The following CTNS variants were observed in gnomAD, a reference collection of about 807,000 sequenced individuals.
The protein encoded by CTNS is cystinosin, lysosomal cystine transporter.
CTNS carries 27 observed loss-of-function variants against 43.7 expected under a neutral mutation model. That is an observed-to-expected ratio of 0.62 (90% CI 0.46 to 0.85). The LOEUF is 0.85. Among genes scored for constraint, CTNS ranks in the 40% least tolerant of loss-of-function variants. The pLI, the probability that CTNS is intolerant of heterozygous loss-of-function variation, is 0.00. For synonymous variants in CTNS, 187 were observed against 190.6 expected (o/e 0.98, Z 0.16); for missense variants, 457 against 475.4 (o/e 0.96, Z 0.36).
chr17:3,655,693 C>T, intron 7 of CTNS: 1 of 371,274 alleles, frequency 2.7e-6, no homozygotes, highest in South Asian at 2.3e-5. Flanking sequence ...GGCGTCAAGT[C>T]CTGTAGTCTC....
chr17:3,653,845 C>T (rs1186309836), intron 5 of CTNS, among the ~76,000 whole-genome samples: 3 of 149,832 alleles, frequency 2.0e-5, no homozygotes, highest in East Asian at 2.0e-4. Flanking sequence ...CATTGCACTC[C>T]AGCCTGGGCA....
chr17:3,638,773 G>A (rs115756725), intron 2 of CTNS, among the ~76,000 whole-genome samples: 2 of 152,188 alleles, frequency 1.3e-5, no homozygotes, highest in African/African-American at 4.8e-5. Context: ...CAGGTGTGAG[G>A]AGCGGAGGGC....
chr17:3,647,499 G>T lies in CTNS; in HGVS notation c.117G>T (p.Ser39=). ...PPVVKLENGS[S]TNVSLTLRPP... ...TCGTAAAGCTGGAGAACGGCAGCTC[G>T]ACCAACGTCAGCCTCACCCTGCGGT... Residue 39 remains serine, a synonymous_variant, in exon 4 of 12, where the codon TCG becomes TCT. Transcript: ENST00000046640. The T allele has an allele frequency of 6.2e-7, 1 of 1,614,092 alleles. No individual in the cohort carries two copies.
chr17:3,654,819 C>G (rs2076085402), intron 5 of CTNS, among the ~76,000 whole-genome samples, 179 bp from the exon 6 acceptor site: 1 of 152,084 alleles, frequency 6.6e-6, no homozygotes, highest in African/African-American at 2.4e-5. Context: ...GCATGGCGAA[C>G]AGGAGGTTCA....
intron 3 of CTNS, among the ~76,000 whole-genome samples, chr17:3,644,993 G>A (rs1437893099): frequency 6.6e-6 from 1 of 152,190 alleles, no homozygotes; most frequent in Non-Finnish European, 1.5e-5. Flanking sequence ...AGAGCCCTAG[G>A]GATCCAGAGT....
intron 5 of CTNS, among the ~76,000 whole-genome samples, chr17:3,653,705 G>A (rs555438434): frequency 8.5e-5 from 13 of 152,146 alleles, no homozygotes; most frequent in Admixed American, 1.3e-4. Context: ...GTGAAACCCC[G>A]TCTCTACTAA....
chr17:3,648,975 A>G, intron 5 of CTNS, 44 bp downstream of exon 5: 1 of 1,468,368 alleles, frequency 6.8e-7, no homozygotes, highest in Non-Finnish European at 9.5e-7. Context: ...ATGCTAGGTA[A>G]CAGAACACAT....
At chr17:3,660,137 G>A (rs1337767004) in intron 11 of CTNS, 99 bp from the exon 12 acceptor site, 23 of 1,561,074 alleles carry the variant, frequency 1.5e-5, no homozygotes, top group Non-Finnish European at 2.0e-5. Flanking sequence ...TGGAGGCTTT[G>A]TGGTTTTCTG....
intron 9 of CTNS, 163 bp downstream of exon 9, chr17:3,656,958 G>C: frequency 8.7e-7 from 1 of 1,146,108 alleles, no homozygotes. Flanking sequence ...CAGGCCCTCA[G>C]AGCCCCCCAA....
chr17:3,653,611 C>G lies in CTNS; in HGVS notation c.226-1387C>G, dbSNP rs111400067. On this transcript the variant is annotated intron_variant, in intron 5 of 11. Coordinates refer to ENST00000046640, the MANE Select transcript of CTNS (RefSeq NM_004937.3). ...TCAGGAAGCACTGGGTGCGGTGGCT[C>G]ACACCTGTAATCCCAGCACTTTGGG... 7.2e-5 allele frequency among the ~76,000 whole-genome samples: 11 copies of G among 152,180 alleles called. 1 individual carries two copies. Among genetic ancestry groups the G allele is most frequent in the African/African-American group, 2.6e-4 (11 of 41,516 alleles).
At position 3,657,995 on chromosome 17, in the gene CTNS, T is replaced by A. The variant is rs2076194423; in HGVS notation, c.682-10T>A. On this transcript the variant is annotated splice_polypyrimidine_tract_variant and intron_variant, in intron 9 of 11. Transcript: ENST00000046640. ...GTGGGTCCACATCTCTGCCCTCCTCTCGCCCCCAGCGCGGTGGCCAGCGCG... is the reference window on the plus strand; with the variant it reads ...GTGGGTCCACATCTCTGCCCTCCTCACGCCCCCAGCGCGGTGGCCAGCGCG... 1 of 1,607,022 alleles carries A rather than the reference T, an allele frequency of 6.2e-7. No individual in the cohort carries two copies. The highest frequency in any genetic ancestry group is 1.1e-5 in the South Asian group (1 of 90,996).
At position 3,658,096 on chromosome 17, in the gene CTNS, G is replaced by C. The variant is rs1322473938; in HGVS notation, c.773G>C (p.Gly258Ala). 1 of 1,612,508 alleles carries C rather than the reference G, an allele frequency of 6.2e-7. No individual in the cohort carries two copies. Among genetic ancestry groups the C allele is most frequent in the Non-Finnish European group, 8.5e-7 (1 of 1,179,968 alleles). ...GTCACCATGATCGTGGCTGCAGTGG[G>C]AGTGACCACGTGGCTGCAGTTTCTC... ...AFVTMIVAAV[G>A]VTTWLQFLFC... The change falls in exon 10 of 12, where the codon GGA becomes GCA. Residue 258 changes from glycine to alanine, a missense_variant. By Grantham distance (60) the Gly-to-Ala change is moderately conservative. Transcript: ENST00000046640.
In CTNS at chr17:3,637,289, A is replaced by C. The variant is rs886052865; in HGVS notation, c.-47A>C. 4 of 152,000 alleles carry C rather than the reference A, an allele frequency of 2.6e-5. No homozygotes were observed. Among genetic ancestry groups the C allele is most frequent in the Non-Finnish European group, 5.9e-5 (4 of 67,992 alleles). 9.4% of individuals were successfully genotyped at this position (152,000 alleles called of 1,614,324 possible). On this transcript the variant is annotated 5_prime_UTR_variant, in exon 2 of 12. Transcript: ENST00000046640. ...ATTGAGGATTACTGTGTTTTGTGAG[A>C]GCTCGCTAGGCGCCCTAAGCAACAG...
chr17:3,641,009 T>A (rs2075675000), intron 3 of CTNS, among the ~76,000 whole-genome samples: 1 of 152,160 alleles, frequency 6.6e-6, no homozygotes, highest in Admixed American at 6.5e-5. Flanking sequence ...GTAGCCACCC[T>A]GTTGTACCCG....
intron 10 of CTNS, 104 bp from the exon 11 acceptor site, chr17:3,659,754 G>T: frequency 1.2e-6 from 1 of 818,708 alleles, no homozygotes; most frequent in Non-Finnish European, 2.1e-6. Flanking sequence ...GCCCCAGTGG[G>T]AGGAATGAGA....
At chr17:3,650,352 T>A (rs567331040) in intron 5 of CTNS, 3 of 1,545,734 alleles carry the variant, frequency 1.9e-6, no homozygotes, top group Non-Finnish European at 2.6e-6. Context: ...TGCAGAGATG[T>A]GCACCTGTAA....
At chr17:3,644,525 C>T (rs974795196) in intron 3 of CTNS, among the ~76,000 whole-genome samples, 5 of 152,198 alleles carry the variant, frequency 3.3e-5, no homozygotes, top group Non-Finnish European at 5.9e-5. Flanking sequence ...AGAGCAGTGG[C>T]GCAATCTCAG....
At chr17:3,636,541 T>C (rs111977802), upstream of CTNS, 20,698 of 320,972 alleles carry the variant, frequency 0.064, 770 homozygotes, top group Middle Eastern at 0.11. Flanking sequence ...GCTCCAAGAG[T>C]CTCTGTGTCC....
In CTNS at chr17:3,662,578, G is replaced by A. The variant is rs927080366; in HGVS notation, c.*2209G>A. Among the ~76,000 whole-genome samples the A allele has an allele frequency of 2.6e-5, 4 of 152,170 alleles. No homozygotes were observed. The highest frequency in any genetic ancestry group is 9.7e-5 in the African/African-American group (4 of 41,448). Reference sequence around the variant, plus strand: ...GGTGTCCCTACGGCCCCTCCCAGGTGGGAGCTGAGGCTAGGTTGCAAAAAG... The same window carrying A: ...GGTGTCCCTACGGCCCCTCCCAGGTAGGAGCTGAGGCTAGGTTGCAAAAAG... On this transcript the variant is annotated 3_prime_UTR_variant, in exon 12 of 12. Coordinates refer to ENST00000046640, the MANE Select transcript of CTNS (RefSeq NM_004937.3).
Sources: allele counts gnomAD v4.1 joint callset (sites outside exome capture counted in the v4.1 genomes callset), GRCh38; gene constraint gnomAD v4.1.1; transcripts MANE v1.5; gene names NCBI Gene and HGNC (gene_info 2026-07-23, HGNC 2026-07-21).